The following TTC21A variants were observed in gnomAD, a reference collection of about 807,000 sequenced individuals.
The protein encoded by TTC21A is tetratricopeptide repeat domain 21A, also known as tetratricopeptide repeat protein 21A.
TTC21A carries 128 observed loss-of-function variants against 156.4 expected under a neutral mutation model. The observed-to-expected ratio is 0.82, with a 90% CI of 0.71 to 0.95. The LOEUF (loss-of-function observed/expected upper bound fraction) is 0.95, where lower values mean the gene tolerates loss of function less well. Among genes scored for constraint, TTC21A ranks in the 40% least tolerant of loss-of-function variants. The probability of loss-of-function intolerance (pLI) is 0.00; values close to 1 mark genes in which losing one functional copy is unlikely to be tolerated. For synonymous variants in TTC21A, 587 were observed against 617.1 expected, an observed-to-expected ratio of 0.95 and a Z score of 0.72; for missense variants, 1,435 against 1,602.3, an observed-to-expected ratio of 0.90 and a Z score of 1.78.
At chr3:39,126,210 C>G (rs2038223163) in intron 11 of TTC21A, 51 bp from the exon 12 acceptor site, 2 of 1,610,796 alleles carry the variant, frequency 1.2e-6, no homozygotes, top group African/African-American at 1.3e-5. Flanking sequence ...CCAGGAGTCT[C>G]TCTTAGAATA....
intron 3 of TTC21A, 70 bp from the exon 4 acceptor site, chr3:39,110,781 G>A: frequency 1.3e-6 from 2 of 1,564,902 alleles, no homozygotes; most frequent in East Asian, 2.2e-5. Context: ...TGGGCCCTCG[G>A]TGGCCCATGC....
rs187725777 is a variant in TTC21A, at chr3:39,130,127, C to A, written c.2184C>A (p.Gly728=). The change falls in exon 16 of 29, where the codon GGC becomes GGA. Residue 728 remains glycine (G), a synonymous_variant. Transcript: ENST00000683103. The surrounding 1 kb of genome is among the most constrained non-coding windows in gnomAD (Gnocchi z 4.5). Reference sequence around the variant, plus strand: ...GCCCCCACACCAGCCTGCTACTGGGCGATGCCTTAATGAGCATTCTGGAGG... The same window carrying A: ...GCCCCCACACCAGCCTGCTACTGGGAGATGCCTTAATGAGCATTCTGGAGG... The part of the protein sequence containing the change: ...LPGPHTSLLL[G]DALMSILEPE... 6.2e-7 allele frequency: 1 copy of A among 1,614,090 alleles called. No homozygotes were observed. Among genetic ancestry groups the A allele is most frequent in the East Asian group, 2.2e-5 (1 of 44,890 alleles).
chr3:39,128,987 G>T, intron 14 of TTC21A, 55 bp downstream of exon 14: 1 of 1,608,992 alleles, frequency 6.2e-7, no homozygotes, highest in Non-Finnish European at 8.5e-7. Context: ...GAGGCTCAGG[G>T]TAGGCCCAGG....
In TTC21A at chr3:39,110,896, G is replaced by T. The variant is rs1361667659; in HGVS notation, c.314G>T (p.Arg105Leu). The T allele has an allele frequency of 1.2e-6, 2 of 1,614,004 alleles. No individual in the cohort carries two copies. The highest frequency in any genetic ancestry group is 1.7e-5 in the Admixed American group (1 of 60,002). ...QELEYSLKEI[R>L]KTVSGTALYY... ...CTTGAGTACAGCCTGAAGGAAATAC[G>T]CAAGACAGTCAGTGGGACTGCACTG... Residue 105 changes from arginine (R) to leucine (L), a missense_variant, in exon 4 of 29, where the codon CGC becomes CTC. Physicochemically the swap from Arg to Leu is moderately radical, Grantham distance 102. Transcript: ENST00000683103.
intron 9 of TTC21A, 31 bp from the exon 10 acceptor site, chr3:39,125,031 AG>A: frequency 7.1e-7 from 1 of 1,410,062 alleles, no homozygotes; most frequent in Non-Finnish European, 1.0e-6. Context: ...CTTCAGTGTT[AG>A]CTGCTCATCA....
chr3:39,129,719 G>C (rs933321273), intron 15 of TTC21A, among the ~76,000 whole-genome samples: 13 of 152,232 alleles, frequency 8.5e-5, no homozygotes, highest in African/African-American at 2.7e-4. Context: ...TGGGGATGCT[G>C]AGGGAGTAGG....
At position 39,114,675 on chromosome 3, in the gene TTC21A, CTCG is replaced by C; in HGVS notation, c.652_654del (p.Val218del). 6.2e-7 allele frequency: 1 copy of C among 1,614,232 alleles called. No homozygotes were observed. Among genetic ancestry groups the C allele is most frequent in the Non-Finnish European group, 8.5e-7 (1 of 1,180,042 alleles). On this transcript the variant is annotated inframe_deletion, in exon 6 of 29. Coordinates refer to ENST00000683103, the MANE Select transcript of TTC21A (RefSeq NM_001366900.1). ...GACTTCAGGGAGCTTCCTGCCAGCC[CTCG>C]TCCTGAAGATGCAGCTGTTCTTAGC... is the stretch of plus-strand genomic sequence containing the variant.
At chr3:39,131,863 A>G (rs574590918) in intron 19 of TTC21A, among the ~76,000 whole-genome samples, 2 of 152,268 alleles carry the variant, frequency 1.3e-5, no homozygotes, top group South Asian at 4.1e-4. Flanking sequence ...TCATGATCCA[A>G]TCACCTCTCA....
chr3:39,136,666 G>T (rs960157112), intron 23 of TTC21A, 159 bp downstream of exon 23: 29 of 1,057,536 alleles, frequency 2.7e-5, no homozygotes, highest in Non-Finnish European at 3.0e-5. Context: ...GGAACCCTGT[G>T]GAAGTCAGGG....
At chr3:39,114,936 G>C (rs2037151358) in intron 6 of TTC21A, among the ~76,000 whole-genome samples, 194 bp downstream of exon 6, 1 of 152,152 alleles carries the variant, frequency 6.6e-6, no homozygotes, top group African/African-American at 2.4e-5. Flanking sequence ...GATAACATGA[G>C]GCTAGGAGCT....
rs2036748751 is a variant in TTC21A, at chr3:39,110,754, AC to A, written c.269-93del. On this transcript the variant is annotated intron_variant, in intron 3 of 28. Transcript: ENST00000683103. ...AGGAGATCCACAGTGTCTGGGGGAG[AC>A]CCCGAGGTAGTTCCCTGGGCCCTCG... is the stretch of plus-strand genomic sequence containing the variant. 3 of 1,324,112 alleles carry A rather than the reference AC, an allele frequency of 2.3e-6. No homozygotes were observed. In the Admixed American group the frequency reaches 6.1e-5, roughly 27 times the overall value. The allele number at this position is 1,324,112 out of a possible 1,614,324, so 82.0% of individuals were successfully genotyped here. A position where few individuals can be genotyped will look rare whatever the true frequency, so the allele number is the denominator to read the frequency against.
At chr3:39,107,930 T>A in intron 1 of TTC21A, 66 bp downstream of exon 1, 5 of 1,587,138 alleles carry the variant, frequency 3.2e-6, no homozygotes, top group Non-Finnish European at 4.3e-6. Flanking sequence ...AGAGACCGTC[T>A]GCCCTGCTAC....
chr3:39,136,495 G>C lies in TTC21A; in HGVS notation c.3083G>C (p.Gly1028Ala). ...GAACCAGGGTTCAATTACTGCAGAG[G>C]TATCTACTGCTGGTGAGTTGGGTGT... ...PLEPGFNYCR[G>A]IYCWHIGQPN... The change falls in exon 23 of 29, where the codon GGT becomes GCT. Residue 1028 changes from glycine (G) to alanine (A), a missense_variant. Physicochemically the swap from Gly to Ala is moderately conservative, Grantham distance 60. Coordinates refer to ENST00000683103, the MANE Select transcript of TTC21A (RefSeq NM_001366900.1). The C allele has an allele frequency of 1.9e-6, 3 of 1,614,152 alleles. No individual in the cohort carries two copies. Among genetic ancestry groups the C allele is most frequent in the Non-Finnish European group, 2.5e-6 (3 of 1,179,992 alleles).
rs1049138214 is a variant in TTC21A, at chr3:39,107,862, A to G, written c.25A>G (p.Met9Val). The change falls in exon 1 of 29, where the codon ATG becomes GTG. Residue 9 changes from methionine (M) to valine (V), a missense_variant and splice_region_variant. Coordinates refer to ENST00000683103, the MANE Select transcript of TTC21A (RefSeq NM_001366900.1). MSSNDSSL[M>V]AGIIYYSQEK... ...GATGAGCAGCAATGACTCCTCCCTT[A>G]TGGTGCGTGGCCCGGGCGCTGTCCG... 33 of 1,612,538 alleles carry G rather than the reference A, an allele frequency of 2.0e-5. No individual in the cohort carries two copies. The highest frequency in any genetic ancestry group is 2.6e-5 in the Non-Finnish European group (31 of 1,179,880).
intron 4 of TTC21A, among the ~76,000 whole-genome samples, chr3:39,111,519 G>T (rs539213778): frequency 1.3e-5 from 2 of 152,264 alleles, no homozygotes; most frequent in Admixed American, 1.3e-4. Context: ...CTGAATGGTG[G>T]CTCATGCAGT....
intron 9 of TTC21A, among the ~76,000 whole-genome samples, chr3:39,123,104 A>C (rs1204081102): frequency 6.6e-6 from 1 of 152,240 alleles, no homozygotes; most frequent in Admixed American, 6.5e-5. Context: ...AAACACCTTC[A>C]GTGTTTGGAG....
chr3:39,129,124 C>T lies in TTC21A; in HGVS notation c.1949C>T (p.Pro650Leu), dbSNP rs757947022. Residue 650 changes from proline to leucine, a missense_variant, in exon 15 of 29, where the codon CCA becomes CTA. Transcript: ENST00000683103. Reference sequence around the variant, plus strand: ...ACCATCAATGAGTTCGGTGGCACACCAGAAGAGAACCGCATCACCATTGCC... The same window carrying T: ...ACCATCAATGAGTTCGGTGGCACACTAGAAGAGAACCGCATCACCATTGCC... ...QDTINEFGGT[P>L]EENRITIANV... 3.1e-6 allele frequency: 5 copies of T among 1,614,098 alleles called. No individual in the cohort carries two copies. In the African/African-American group the frequency reaches 5.3e-5, roughly 17 times the overall value.
intron 9 of TTC21A, among the ~76,000 whole-genome samples, chr3:39,123,187 AT>A (rs1298152285): frequency 1.3e-5 from 2 of 152,358 alleles, no homozygotes; most frequent in African/African-American, 4.8e-5. Context: ...GTTGCCAAAA[AT>A]AAAAAATATT....
intron 8 of TTC21A, 54 bp downstream of exon 8, chr3:39,120,074 A>G: frequency 7.5e-7 from 1 of 1,326,134 alleles, no homozygotes; most frequent in East Asian, 2.3e-5. Flanking sequence ...CTTTCCTTAG[A>G]GGAGAACTGT....
Sources: allele counts gnomAD v4.1 joint callset (sites outside exome capture counted in the v4.1 genomes callset), GRCh38; gene constraint gnomAD v4.1.1; non-coding constraint Gnocchi (gnomAD v3.1); transcripts MANE v1.5; gene names NCBI Gene and HGNC (gene_info 2026-07-23, HGNC 2026-07-21).